The following EML4 variants were observed in gnomAD, a reference collection of about 807,000 sequenced individuals.
EML4 encodes the protein echinoderm microtubule-associated protein-like 4.
Under a neutral mutation model 129.0 loss-of-function variants are expected in EML4, and 72 were observed. That is an observed-to-expected ratio of 0.56 (90% CI 0.46 to 0.68). EML4 has a LOEUF of 0.68. Among genes scored for constraint, EML4 ranks in the 30% least tolerant of loss-of-function variants. EML4 has a pLI of 0.00. For missense variants in EML4, 1,363 were observed against 1,190.6 expected (o/e 1.14, Z -2.13); for synonymous variants, 532 against 405.0 (o/e 1.31, Z -3.77).
intron 1 of EML4, among the ~76,000 whole-genome samples, chr2:42,174,646 G>A (rs747863287): frequency 2.0e-5 from 3 of 151,966 alleles, no homozygotes; most frequent in Non-Finnish European, 4.4e-5. Flanking sequence ...GCTGTCTTAG[G>A]CTTTTATAAT....
chr2:42,296,894 C>CA (rs1202894331), intron 13 of EML4, among the ~76,000 whole-genome samples: 1 of 152,112 alleles, frequency 6.6e-6, no homozygotes, highest in Non-Finnish European at 1.5e-5. Flanking sequence ...ATCATAATGT[C>CA]AAAAAATAAT....
At chr2:42,293,534 CCGTTT>C (rs1667773262) in intron 11 of EML4, among the ~76,000 whole-genome samples, 1 of 152,134 alleles carries the variant, frequency 6.6e-6, no homozygotes, top group African/African-American at 2.4e-5. Context: ...TTTACAACAA[CCGTTT>C]CAAGTGTCAT....
chr2:42,169,795 TG>T, intron 1 of EML4, 159 bp downstream of exon 1: 1 of 714,508 alleles, frequency 1.4e-6, no homozygotes, highest in Non-Finnish European at 2.1e-6. Flanking sequence ...CGGACTCCGG[TG>T]GACTGAGGGC....
Position 42,278,660 on chromosome 2 carries a change from A to G in EML4, c.668-2190A>G, listed in dbSNP as rs114890239. ...AAAAGATGTGTAATATTGCCCAGGC[A>G]TGGTGGTTCACGCCTGTAATCTCAG... On this transcript the variant is annotated intron_variant, in intron 6 of 22. Coordinates refer to ENST00000318522, the MANE Select transcript of EML4 (RefSeq NM_019063.5). 9.6e-3 allele frequency among the ~76,000 whole-genome samples: 1,445 copies of G among 151,054 alleles called. 25 individuals carry two copies. Among genetic ancestry groups the G allele is most frequent in the African/African-American group, 0.033 (1,343 of 41,182 alleles).
intron 1 of EML4, among the ~76,000 whole-genome samples, chr2:42,208,987 A>G (rs557401979): frequency 1.4e-4 from 22 of 152,262 alleles, no homozygotes; most frequent in African/African-American, 5.3e-4. Flanking sequence ...CTTTTGTAGT[A>G]ATCACTTCCT....
chr2:42,212,608 A>G (rs1672948584), intron 1 of EML4, among the ~76,000 whole-genome samples: 1 of 152,126 alleles, frequency 6.6e-6, no homozygotes, highest in South Asian at 2.1e-4. Context: ...TTTAATTTAG[A>G]TCTCTTTTCT....
At chr2:42,275,620 TC>T (rs2104441186) in intron 6 of EML4, among the ~76,000 whole-genome samples, 1 of 152,310 alleles carries the variant, frequency 6.6e-6, no homozygotes, top group East Asian at 1.9e-4. Flanking sequence ...CTATCACTGA[TC>T]AGATTGACTT....
At chr2:42,238,070 T>A (rs1312363304) in intron 1 of EML4, among the ~76,000 whole-genome samples, 1 of 152,234 alleles carries the variant, frequency 6.6e-6, no homozygotes, top group African/African-American at 2.4e-5. Flanking sequence ...AATTATTTTT[T>A]AAATACTGTA....
intron 19 of EML4, among the ~76,000 whole-genome samples, chr2:42,322,173 G>A (rs1669560065): frequency 6.6e-6 from 1 of 152,258 alleles, no homozygotes; most frequent in Non-Finnish European, 1.5e-5. Context: ...TAATAAAAAC[G>A]GTATTTCAAA....
Position 42,295,493 on chromosome 2 carries a change from C to T in EML4, c.1466C>T (p.Pro489Leu). ...ATATGGAGCAAAACTACTGTAGAGC[C>T]CACACCTGGGAAAGGACCTAAAGGT... ...MLIWSKTTVE[P>L]TPGKGPKGVY... Residue 489 changes from proline to leucine, a missense_variant, in exon 13 of 23, where the codon CCC (proline) becomes CTC (leucine). Coordinates refer to ENST00000318522, the MANE Select transcript of EML4 (RefSeq NM_019063.5). 1 of 1,613,154 alleles carries T rather than the reference C, an allele frequency of 6.2e-7. No homozygotes were observed. Among genetic ancestry groups the T allele is most frequent in the African/African-American group, 1.3e-5 (1 of 74,930 alleles).
At chr2:42,325,033 AC>A (rs1306652946) in intron 19 of EML4, among the ~76,000 whole-genome samples, 3 of 152,138 alleles carry the variant, frequency 2.0e-5, no homozygotes, top group Non-Finnish European at 4.4e-5. Flanking sequence ...TCTGAGTTGT[AC>A]CATGGATAAT....
At chr2:42,300,268 A>G (rs1199052810) in intron 13 of EML4, among the ~76,000 whole-genome samples, 4 of 152,192 alleles carry the variant, frequency 2.6e-5, no homozygotes, top group Non-Finnish European at 1.5e-5. Flanking sequence ...TCATCTTCCA[A>G]AAAGCTTTAC....
At chr2:42,220,947 C>T (rs1273495115) in intron 1 of EML4, among the ~76,000 whole-genome samples, 1 of 152,172 alleles carries the variant, frequency 6.6e-6, no homozygotes, top group African/African-American at 2.4e-5. Context: ...TCTATGAAAG[C>T]TGAGAGACGT....
At chr2:42,214,879 G>C (rs1364828823) in intron 1 of EML4, among the ~76,000 whole-genome samples, 3 of 152,080 alleles carry the variant, frequency 2.0e-5, no homozygotes, top group Non-Finnish European at 4.4e-5. Flanking sequence ...GATTCTGCAA[G>C]ACTTATTCAT....
intron 1 of EML4, among the ~76,000 whole-genome samples, chr2:42,182,390 G>A (rs1407333888): frequency 4.8e-5 from 7 of 147,120 alleles, no homozygotes; most frequent in Non-Finnish European, 1.5e-5. Flanking sequence ...ATCTTGTGCC[G>A]ACATTCTCAT....
intron 9 of EML4, among the ~76,000 whole-genome samples, chr2:42,285,108 T>C (rs1454825773): frequency 6.6e-6 from 1 of 152,098 alleles, no homozygotes; most frequent in Non-Finnish European, 1.5e-5. Context: ...GGAATCTCAC[T>C]TCGTTGCCCA....
Position 42,325,474 on chromosome 2 carries a change from C to G in EML4, c.2162C>G (p.Ser721Cys), listed in dbSNP as rs945932479. 3 of 1,537,730 alleles carry G rather than the reference C, an allele frequency of 2.0e-6. No homozygotes were observed. The highest frequency in any genetic ancestry group is 1.8e-6 in the Non-Finnish European group (2 of 1,116,786). ...YSRYGRCTGH[S>C]SYITHLDWSP... ...TTATCTGTTATTTTCTAGGGACATT[C>G]CAGCTACATCACACACCTTGACTGG... Residue 721 changes from serine to cysteine, a missense_variant, in exon 20 of 23, where the codon TCC (serine) becomes TGC (cysteine). Transcript: ENST00000318522.
At chr2:42,228,149 A>G (rs2104169854) in intron 1 of EML4, among the ~76,000 whole-genome samples, 1 of 152,142 alleles carries the variant, frequency 6.6e-6, no homozygotes, top group African/African-American at 2.4e-5. Context: ...TGAGCCTGGG[A>G]GGCCAAGGTT....
intron 14 of EML4, among the ~76,000 whole-genome samples, chr2:42,302,425 G>C (rs780006902): frequency 5.3e-5 from 8 of 151,760 alleles, no homozygotes; most frequent in Admixed American, 2.6e-4. Flanking sequence ...TACAGAAAAT[G>C]TTTCTTAGGC....
Sources: allele counts gnomAD v4.1 joint callset (sites outside exome capture counted in the v4.1 genomes callset), GRCh38; gene constraint gnomAD v4.1.1; transcripts MANE v1.5; gene names NCBI Gene and HGNC (gene_info 2026-07-23, HGNC 2026-07-21).